COX7B2: variants seen among roughly 807,000 people sequenced by gnomAD.
The protein encoded by COX7B2 is cytochrome c oxidase subunit 7B2, mitochondrial.
For missense variants in COX7B2, 109 were observed against 95.9 expected, an observed-to-expected ratio of 1.14 and a Z score of -0.57; for synonymous variants, 37 against 32.1, an observed-to-expected ratio of 1.15 and a Z score of -0.51.
intron 1 of COX7B2, among the ~76,000 whole-genome samples, chr4:46,848,462 CTTATGCTATTT>C (rs997753495): frequency 6.6e-6 from 1 of 151,978 alleles, no homozygotes; most frequent in African/African-American, 2.4e-5. Context: ...TGGATGCAAA[CTTATGCTATTT>C]TTACTGTTGT....
At chr4:46,897,991 A>G (rs1411512780) in intron 1 of COX7B2, among the ~76,000 whole-genome samples, 3 of 151,980 alleles carry the variant, frequency 2.0e-5, no homozygotes, top group African/African-American at 7.2e-5. Flanking sequence ...CTAACTCTCT[A>G]TGGGCTGCCT....
chr4:46,792,664 G>A (rs976148615), intron 2 of COX7B2, among the ~76,000 whole-genome samples: 2 of 152,088 alleles, frequency 1.3e-5, no homozygotes, highest in African/African-American at 4.8e-5. Flanking sequence ...GCAGACTGTG[G>A]GACTTCTCAG....
intron 2 of COX7B2, among the ~76,000 whole-genome samples, chr4:46,838,260 A>C (rs1715670739): frequency 6.6e-6 from 1 of 152,056 alleles, no homozygotes; most frequent in African/African-American, 2.4e-5. Flanking sequence ...AAAAAAAATC[A>C]TGCATGTACT....
chr4:46,764,475 G>A (rs776502260), intron 2 of COX7B2, among the ~76,000 whole-genome samples: 5 of 151,912 alleles, frequency 3.3e-5, no homozygotes, highest in Admixed American at 2.6e-4. Context: ...CCTGGGAGGC[G>A]GAGGTTGCAG....
At chr4:46,794,759 C>G (rs530375610) in intron 2 of COX7B2, among the ~76,000 whole-genome samples, 1 of 152,274 alleles carries the variant, frequency 6.6e-6, no homozygotes, top group African/African-American at 2.4e-5. Flanking sequence ...TAATCTGACT[C>G]ACACAGACTT....
intron 2 of COX7B2, among the ~76,000 whole-genome samples, chr4:46,836,592 T>A (rs181127895): frequency 0.013 from 1,845 of 143,186 alleles, 22 homozygotes; most frequent in Middle Eastern, 0.035. Context: ...AGTTAAATTT[T>A]AAAAAAAAAA....
intron 1 of COX7B2, among the ~76,000 whole-genome samples, chr4:46,860,973 C>T (rs1199765746): frequency 6.6e-6 from 1 of 152,138 alleles, no homozygotes; most frequent in African/African-American, 2.4e-5. Context: ...GGCCAATACC[C>T]AGGTGCTGCA....
chr4:46,835,317 C>T (rs1382487170), intron 2 of COX7B2, among the ~76,000 whole-genome samples: 1 of 151,776 alleles, frequency 6.6e-6, no homozygotes, highest in African/African-American at 2.4e-5. Flanking sequence ...TTTATAATAG[C>T]AAAGTTAGCA....
intron 1 of COX7B2, among the ~76,000 whole-genome samples, chr4:46,878,056 C>G (rs1182079125): frequency 6.6e-6 from 1 of 151,444 alleles, no homozygotes; most frequent in African/African-American, 2.4e-5. Flanking sequence ...GAATATTACT[C>G]ACCCTTAAAA....
chr4:46,804,322 G>A (rs1718855100), intron 2 of COX7B2, among the ~76,000 whole-genome samples: 2 of 152,162 alleles, frequency 1.3e-5, no homozygotes, highest in Non-Finnish European at 2.9e-5. Flanking sequence ...ACCCTACCAG[G>A]TTGCCACTGC....
intron 2 of COX7B2, among the ~76,000 whole-genome samples, chr4:46,841,335 CTGTGTGTGTGTGTGTG>C (rs145768502): frequency 1.4e-5 from 2 of 139,794 alleles, no homozygotes; most frequent in South Asian, 2.4e-4. Flanking sequence ...CAAATGTGCT[CTGTGTGTGTGTGTGTG>C]TGTGTGTGTG....
At chr4:46,879,677 C>T (rs1319151231) in intron 1 of COX7B2, among the ~76,000 whole-genome samples, 4 of 151,206 alleles carry the variant, frequency 2.6e-5, no homozygotes, top group South Asian at 4.2e-4. Flanking sequence ...TTTATTGTAC[C>T]GCTTTGATGA....
chr4:46,765,943 C>T (rs1716507347), intron 2 of COX7B2, among the ~76,000 whole-genome samples: 1 of 151,974 alleles, frequency 6.6e-6, no homozygotes, highest in Non-Finnish European at 1.5e-5. Flanking sequence ...CAGGCCTACT[C>T]CAGCACTAGG....
chr4:46,830,119 T>C lies in COX7B2; in HGVS notation c.-50+14841A>G, dbSNP rs192120600. 4.5e-3 allele frequency among the ~76,000 whole-genome samples: 675 copies of C among 151,526 alleles called. 6 individuals carry two copies. Among genetic ancestry groups the C allele is most frequent in the African/African-American group, 0.016 (654 of 41,322 alleles). The stretch of plus-strand genomic sequence containing the variant: ...GGCGTGCAGATCATGAAGTCAGGAG[T>C]TCGAGACCAGCCTGGCCAACATGGT... On this transcript the variant is annotated intron_variant, in intron 2 of 2. Transcript: ENST00000355591.
At chr4:46,838,843 A>G (rs1715720871) in intron 2 of COX7B2, among the ~76,000 whole-genome samples, 1 of 151,936 alleles carries the variant, frequency 6.6e-6, no homozygotes, top group Non-Finnish European at 1.5e-5. Context: ...TGGCCCAACC[A>G]TAGAAATTTT....
rs563246473 is a variant in COX7B2, at chr4:46,873,454, A to G, written c.-104-28440T>C. The stretch of plus-strand genomic sequence containing the variant: ...CACTCCCACCAACACTGTAAAAGCT[A>G]TTTCTCCACATCCTCTCCAGCATCT... On this transcript the variant is annotated intron_variant, in intron 1 of 2. Transcript: ENST00000355591. Among the ~76,000 whole-genome samples, 4 of 152,072 alleles carry G rather than the reference A, an allele frequency of 2.6e-5. No homozygotes were observed. The East Asian group carries it at 7.8e-4, about 30-fold the overall frequency.
At chr4:46,788,642 A>T (rs1182055326) in intron 2 of COX7B2, among the ~76,000 whole-genome samples, 1 of 152,216 alleles carries the variant, frequency 6.6e-6, no homozygotes, top group African/African-American at 2.4e-5. Flanking sequence ...ACAGATGTAT[A>T]TCTCCACATA....
chr4:46,835,071 C>G (rs1188725200), intron 2 of COX7B2, among the ~76,000 whole-genome samples: 1 of 151,794 alleles, frequency 6.6e-6, no homozygotes, highest in Non-Finnish European at 1.5e-5. Flanking sequence ...GACCTTTTTT[C>G]CCTAGTAGTT....
At chr4:46,794,918 G>A (rs1718242799) in intron 2 of COX7B2, among the ~76,000 whole-genome samples, 1 of 152,166 alleles carries the variant, frequency 6.6e-6, no homozygotes, top group Non-Finnish European at 1.5e-5. Flanking sequence ...CATAAAAACA[G>A]AAAGTAACAG....
Sources: allele counts gnomAD v4.1 joint callset (sites outside exome capture counted in the v4.1 genomes callset), GRCh38; gene constraint gnomAD v4.1.1; transcripts MANE v1.5; gene names NCBI Gene and HGNC (gene_info 2026-07-23, HGNC 2026-07-21).